The following CACNA1B variants were observed in gnomAD, a reference collection of about 807,000 sequenced individuals.
The protein encoded by CACNA1B is voltage-dependent N-type calcium channel subunit alpha-1B.
In CACNA1B, 70 loss-of-function variants were observed where a neutral mutation model predicts 247.2. The observed-to-expected ratio is 0.28, with a 90% confidence interval of 0.23 to 0.35. CACNA1B has a LOEUF of 0.35. CACNA1B is among the 10% of genes least tolerant of loss of function. The probability of loss-of-function intolerance (pLI) is 1.00; values close to 1 mark genes in which losing one functional copy is unlikely to be tolerated. For synonymous variants in CACNA1B, 1,231 were observed against 1,294.4 expected (o/e 0.95, Z 1.05); for missense variants, 2,367 against 3,197.4 (o/e 0.74, Z 6.26).
Position 137,953,943 on chromosome 9 carries a change from G to A in CACNA1B, c.1070+1566G>A, listed in dbSNP as rs533619971. ...TGGGAAGCCTGGCAGGAGCATAGGTGGGTTCAAGGGGAGGCAGGAGAGCAG... is the reference window on the plus strand; with the variant it reads ...TGGGAAGCCTGGCAGGAGCATAGGTAGGTTCAAGGGGAGGCAGGAGAGCAG... On this transcript the variant is annotated intron_variant, in intron 7 of 46. Coordinates refer to ENST00000371372, the MANE Select transcript of CACNA1B (RefSeq NM_000718.4). Among the ~76,000 whole-genome samples the A allele has an allele frequency of 2.7e-4, 41 of 152,228 alleles. 1 individual carries two copies. The South Asian group carries it at 8.1e-3, about 30-fold the overall frequency.
intron 15 of CACNA1B, among the ~76,000 whole-genome samples, chr9:137,998,349 G>T (rs1184563579): frequency 6.6e-6 from 1 of 152,156 alleles, no homozygotes; most frequent in Non-Finnish European, 1.5e-5. Context: ...GGTGGCTCAT[G>T]CCTGTAATCC....
chr9:138,104,693 C>T (rs1182251467), intron 38 of CACNA1B, among the ~76,000 whole-genome samples: 3 of 152,164 alleles, frequency 2.0e-5, no homozygotes, highest in African/African-American at 7.2e-5. Flanking sequence ...AGAGGCTGCC[C>T]TGCCACAGGT....
chr9:138,115,674 G>A lies in CACNA1B; in HGVS notation c.5772G>A (p.Gly1924=), dbSNP rs199887338. 67 of 1,612,370 alleles carry A rather than the reference G, an allele frequency of 4.2e-5. 2 individuals are homozygous for A. In the Admixed American group the frequency reaches 8.4e-4, roughly 20 times the overall value. ...GTTCCACCTCCCTCAGCAATGGCGG[G>A]GCCATGTGAGTATCCAGATGCAGGA... The part of the protein sequence containing the change: ...QKSSTSLSNG[G]AIQNQESGIK... Residue 1924 remains glycine (G), a synonymous_variant, in exon 42 of 47, where the codon GGG becomes GGA. Transcript: ENST00000371372.
At position 137,979,336 on chromosome 9, in the gene CACNA1B, C is replaced by T. The variant is rs147008522; in HGVS notation, c.1656+3317C>T. Among the ~76,000 whole-genome samples, 32 of 152,282 alleles carry T rather than the reference C, an allele frequency of 2.1e-4. No homozygotes were observed. The East Asian group carries it at 5.4e-3, about 26-fold the overall frequency. ...AAGCTCATGCATTTGGTTGCTGGAA[C>T]GCCGAGTTCCTGGTCATGTGGCCTC... On this transcript the variant is annotated intron_variant, in intron 12 of 46. Coordinates refer to ENST00000371372, the MANE Select transcript of CACNA1B (RefSeq NM_000718.4).
At chr9:138,003,769 CG>C (rs1554745807) in intron 15 of CACNA1B, among the ~76,000 whole-genome samples, 1 of 143,246 alleles carries the variant, frequency 7.0e-6, no homozygotes, top group Non-Finnish European at 1.5e-5. Flanking sequence ...ATCAAACTCA[CG>C]GGCTTGCCTT....
chr9:137,951,022 G>C (rs1312449287), intron 6 of CACNA1B, among the ~76,000 whole-genome samples: 1 of 152,210 alleles, frequency 6.6e-6, no homozygotes, highest in Non-Finnish European at 1.5e-5. Context: ...GCTTGAGCAG[G>C]TGAGAGGGGC....
chr9:138,028,187 T>A (rs559687233), intron 20 of CACNA1B, among the ~76,000 whole-genome samples: 1 of 152,038 alleles, frequency 6.6e-6, no homozygotes, highest in East Asian at 1.9e-4. Flanking sequence ...CACACCTGGC[T>A]AATTTTTGTA....
At chr9:137,999,445 C>T (rs571379155) in intron 15 of CACNA1B, among the ~76,000 whole-genome samples, 2 of 150,906 alleles carry the variant, frequency 1.3e-5, no homozygotes, top group East Asian at 1.9e-4. Flanking sequence ...AAGAGGAATC[C>T]GAAACAACAC....
At chr9:138,085,373 G>A (rs111680243) in intron 36 of CACNA1B, among the ~76,000 whole-genome samples, 1 of 151,094 alleles carries the variant, frequency 6.6e-6, no homozygotes, top group Admixed American at 6.6e-5. Flanking sequence ...GTGAAGAAAA[G>A]CCTTCAAGAA....
chr9:137,984,041 T>C, intron 12 of CACNA1B, 97 bp from the exon 13 acceptor site: 1 of 850,688 alleles, frequency 1.2e-6, no homozygotes, highest in Non-Finnish European at 1.9e-6. Context: ...GATGGTTCCT[T>C]ACGGAGAGGT....
intron 40 of CACNA1B, 31 bp from the exon 41 acceptor site, chr9:138,114,347 T>C (rs1362854010): frequency 8.7e-7 from 1 of 1,148,574 alleles, no homozygotes; most frequent in Admixed American, 2.0e-5. Context: ...TGCCCCCTTC[T>C]CCGAATCTCA....
intron 44 of CACNA1B, among the ~76,000 whole-genome samples, chr9:138,119,129 C>G (rs549966880): frequency 2.6e-5 from 4 of 152,190 alleles, no homozygotes; most frequent in African/African-American, 9.6e-5. Flanking sequence ...GAGACAACCC[C>G]CACTCTCATC....
chr9:137,969,130 G>A lies in CACNA1B; in HGVS notation c.1334-2253G>A, dbSNP rs2133361928. ...CCGGGGAACAAATGCATCTGTCTTG[G>A]GTGCTGCTGGGGTTGCTGAGCTGGG... On this transcript the variant is annotated intron_variant, in intron 10 of 46. Coordinates refer to ENST00000371372, the MANE Select transcript of CACNA1B (RefSeq NM_000718.4). Among the ~76,000 whole-genome samples, 3 of 152,328 alleles carry A rather than the reference G, an allele frequency of 2.0e-5. No homozygotes were observed. In the Middle Eastern group the frequency reaches 0.01, roughly 518 times the overall value.
intron 45 of CACNA1B, 64 bp from the exon 46 acceptor site, chr9:138,120,567 G>T (rs2278971): frequency 6.9e-7 from 1 of 1,453,978 alleles, no homozygotes; most frequent in Non-Finnish European, 9.1e-7. Context: ...GTCCTGCTGG[G>T]CCCGGGGGTC....
At chr9:138,080,730 A>T (rs1257235042) in intron 36 of CACNA1B, among the ~76,000 whole-genome samples, 3 of 152,216 alleles carry the variant, frequency 2.0e-5, no homozygotes, top group Non-Finnish European at 4.4e-5. Flanking sequence ...AAGAGACCAG[A>T]GGGGACATCC....
rs111722709 is a variant in CACNA1B at position 137,923,369 on chromosome 9, G to A, written c.966+5938G>A. On this transcript the variant is annotated intron_variant, in intron 6 of 46. Transcript: ENST00000371372. ...CAGGTAGTATTCCGTGGCTCCAGGTGGTATTCCGTGGCACCAGGTGGTATT... is the reference window on the plus strand; with the variant it reads ...CAGGTAGTATTCCGTGGCTCCAGGTAGTATTCCGTGGCACCAGGTGGTATT... Among the ~76,000 whole-genome samples the A allele has an allele frequency of 6.0e-3, 863 of 144,408 alleles. 34 individuals are homozygous for A. Among genetic ancestry groups the A allele is most frequent in the African/African-American group, 0.022 (825 of 37,724 alleles). 94.7% of individuals were successfully genotyped at this position (144,408 alleles called of 152,430 possible).
chr9:138,062,142 C>T (rs987610644), intron 31 of CACNA1B, among the ~76,000 whole-genome samples: 2 of 152,188 alleles, frequency 1.3e-5, no homozygotes, highest in Non-Finnish European at 1.5e-5. Flanking sequence ...CCTCCAGGAT[C>T]CTGACCAGCC....
rs1961299042 is a variant in CACNA1B at position 138,102,851 on chromosome 9, G to A, written c.5319+44G>A. ...ACCCGCCCCCCAGGAGGCTGTGTGT[G>A]CTTGCTGAGGGGTGCTTGCTGGCTC... On this transcript the variant is annotated intron_variant, in intron 38 of 46. Coordinates refer to ENST00000371372, the MANE Select transcript of CACNA1B (RefSeq NM_000718.4). This position sits in a 1 kb window ranked among gnomAD's most constrained non-coding sequence, Gnocchi z 5.4. The A allele has an allele frequency of 1.6e-6, 2 of 1,261,512 alleles. No individual in the cohort carries two copies. The allele number at this position is 1,261,512 out of a possible 1,614,324, so 78.1% of individuals were successfully genotyped here.
intron 15 of CACNA1B, among the ~76,000 whole-genome samples, chr9:137,996,068 T>G (rs943759914): frequency 1.3e-5 from 2 of 152,194 alleles, no homozygotes; most frequent in Non-Finnish European, 2.9e-5. Flanking sequence ...GAATGTGAAT[T>G]AATACAACCA....
Sources: allele counts gnomAD v4.1 joint callset (sites outside exome capture counted in the v4.1 genomes callset), GRCh38; gene constraint gnomAD v4.1.1; non-coding constraint Gnocchi (gnomAD v3.1); transcripts MANE v1.5; gene names NCBI Gene and HGNC (gene_info 2026-07-23, HGNC 2026-07-21).